HSPA8: variants seen among roughly 807,000 people sequenced by gnomAD.
HSPA8 encodes the protein heat shock cognate 71 kDa protein.
HSPA8 carries 2 observed loss-of-function variants against 52.8 expected under a neutral mutation model. That is an observed-to-expected ratio of 0.04 (90% CI 0.02 to 0.12). The LOEUF (loss-of-function observed/expected upper bound fraction) is 0.12, where lower values mean the gene tolerates loss of function less well. HSPA8 is among the 10% of genes least tolerant of loss of function. The probability of loss-of-function intolerance (pLI) is 1.00; values close to 1 mark genes in which losing one functional copy is unlikely to be tolerated. For missense variants in HSPA8, 349 were observed against 800.5 expected (o/e 0.44, Z 6.81); for synonymous variants, 436 against 274.0 (o/e 1.59, Z -5.84).
intron 7 of HSPA8, 26 bp from the exon 8 acceptor site, chr11:123,058,510 A>G (rs766639063): frequency 6.2e-6 from 10 of 1,606,462 alleles, no homozygotes; most frequent in Non-Finnish European, 7.7e-6. Flanking sequence ...ACTCTAAGTA[A>G]AAGCCTTAAA....
intron 5 of HSPA8, 76 bp from the exon 6 acceptor site, chr11:123,059,337 G>A (rs890561575): frequency 3.4e-5 from 47 of 1,401,472 alleles, no homozygotes; most frequent in Non-Finnish European, 3.9e-5. Context: ...ACTATCACTC[G>A]CTCAGACATC....
intron 8 of HSPA8, 149 bp downstream of exon 8, chr11:123,058,103 T>C (rs1865364444): frequency 1.4e-6 from 1 of 710,072 alleles, no homozygotes; most frequent in Non-Finnish European, 2.4e-6. Context: ...GGAAGGTAGT[T>C]GCCAACACCT....
chr11:123,060,318 A>G (rs1018824975), intron 3 of HSPA8, 50 bp from the exon 4 acceptor site: 6 of 1,548,026 alleles, frequency 3.9e-6, no homozygotes, highest in Admixed American at 3.4e-5. Flanking sequence ...ACTTACATAT[A>G]TGCAAACTCC....
chr11:123,059,705 G>A lies in HSPA8; in HGVS notation c.888C>T (p.Ser296=), dbSNP rs865819276. Residue 296 remains serine, a synonymous_variant, in exon 5 of 9, where the codon TCC becomes TCT. Transcript: ENST00000534624. ...SLYEGIDFYT[S]ITRARFEELN... ...GTTCTTCAAATCGGGCACGGGTAAT[G>A]GAGGTATAGAAGTCGATTCCTTCAT... The A allele has an allele frequency of 1.2e-6, 2 of 1,613,932 alleles. No individual in the cohort carries two copies. Among genetic ancestry groups the A allele is most frequent in the Non-Finnish European group, 8.5e-7 (1 of 1,179,890 alleles).
chr11:123,061,727 G>T (rs1047652202), intron 1 of HSPA8: 8 of 226,138 alleles, frequency 3.5e-5, no homozygotes, highest in Middle Eastern at 3.7e-3. Flanking sequence ...GGTGGGACTG[G>T]ACTAAGCAGG....
At chr11:123,060,550 TAAC>T (rs1473492450) in intron 3 of HSPA8, 40 bp downstream of exon 3, 2 of 1,461,334 alleles carry the variant, frequency 1.4e-6, no homozygotes, top group South Asian at 1.1e-5. Context: ...ATCGGGCTTT[TAAC>T]TACTCCGGAA....
chr11:123,059,421 G>A lies in HSPA8; in HGVS notation c.1120+52C>T, dbSNP rs554981599. ...ATGTTTAACAATCACTCATCACAGC[G>A]AGTCACCTTGGGCCTGCCTGCCTTT... On this transcript the variant is annotated intron_variant, in intron 5 of 8. Transcript: ENST00000534624. 4.6e-5 allele frequency: 68 copies of A among 1,492,968 alleles called. No homozygotes were observed. In the East Asian group the frequency reaches 1.0e-3, roughly 22 times the overall value. 92.5% of individuals were successfully genotyped at this position (1,492,968 alleles called of 1,614,324 possible).
In HSPA8 at chr11:123,060,046, C is replaced by G. The variant is rs757663783; in HGVS notation, c.565-18G>C. 1 of 1,614,068 alleles carries G rather than the reference C, an allele frequency of 6.2e-7. No individual in the cohort carries two copies. The highest frequency in any genetic ancestry group is 1.1e-5 in the South Asian group (1 of 91,086). On this transcript the variant is annotated intron_variant, in intron 4 of 8. Transcript: ENST00000534624. ...GCTCCAACCTGCCGTTAAAAACAAT[C>G]TCATTTAAATTTACGATGGATCAAA...
At chr11:123,058,557 A>AGAC in intron 7 of HSPA8, 73 bp from the exon 8 acceptor site, 1 of 1,570,596 alleles carries the variant, frequency 6.4e-7, no homozygotes, top group Non-Finnish European at 8.8e-7. Context: ...TCTCTTAGCT[A>AGAC]GACGCCCTTA....
intron 3 of HSPA8, 27 bp downstream of exon 3, chr11:123,060,566 C>T (rs201523743): frequency 3.3e-6 from 5 of 1,537,978 alleles, no homozygotes; most frequent in East Asian, 2.2e-5. Context: ...CTCCGGAATG[C>T]ACCCCATACT....
At position 123,057,649 on chromosome 11, in the gene HSPA8, A is replaced by G. The variant is rs529283663; in HGVS notation, c.*85T>C. On this transcript the variant is annotated 3_prime_UTR_variant, in exon 9 of 9. Transcript: ENST00000534624. ...ACTTACTATAGCAGCTTAACTTTTT[A>G]AAACTGCCACAGAATTTGCTACGAA... is the stretch of plus-strand genomic sequence containing the variant. The G allele has an allele frequency of 3.6e-5, 41 of 1,139,762 alleles. No homozygotes were observed. In the African/African-American group the frequency reaches 6.3e-4, roughly 17 times the overall value. 70.6% of individuals were successfully genotyped at this position (1,139,762 alleles called of 1,614,324 possible). A position where few individuals can be genotyped will look rare whatever the true frequency, so the allele number is the denominator to read the frequency against.
chr11:123,059,406 A>G, intron 5 of HSPA8, 67 bp downstream of exon 5: 1 of 1,414,252 alleles, frequency 7.1e-7, no homozygotes, highest in South Asian at 1.3e-5. Flanking sequence ...ATGTTTAACA[A>G]TCACTCATCA....
Position 123,057,578 on chromosome 11 carries a change from T to C in HSPA8, c.*156A>G, listed in dbSNP as rs1359976655. The C allele has an allele frequency of 1.2e-5, 7 of 569,268 alleles. No homozygotes were observed. The highest frequency in any genetic ancestry group is 1.2e-4 in the African/African-American group (6 of 51,930). The allele number at this position is 569,268 out of a possible 1,614,324, so 35.3% of individuals were successfully genotyped here. The stretch of plus-strand genomic sequence containing the variant: ...TTTATAAAGTGCAATGTTATTTCCT[T>C]CCCCTGTGCATATGTTCCATATTCA... On this transcript the variant is annotated 3_prime_UTR_variant, in exon 9 of 9. Transcript: ENST00000534624.
chr11:123,061,097 G>A (rs756843449), intron 2 of HSPA8, 23 bp downstream of exon 2: 20 of 1,594,988 alleles, frequency 1.3e-5, no homozygotes, highest in Non-Finnish European at 1.5e-5. Flanking sequence ...TATTTGTTCT[G>A]TCATTTAAAA....
chr11:123,060,528 C>T (rs1376236822), intron 3 of HSPA8, 65 bp downstream of exon 3: 6 of 1,223,272 alleles, frequency 4.9e-6, no homozygotes, highest in Non-Finnish European at 7.2e-6. Context: ...GGTGCCAGTG[C>T]CCCCGGGAGT....
intron 3 of HSPA8, 25 bp from the exon 4 acceptor site, chr11:123,060,293 A>T: frequency 6.2e-7 from 1 of 1,607,012 alleles, no homozygotes; most frequent in Non-Finnish European, 8.5e-7. Flanking sequence ...AAGACCACAG[A>T]TTGGTAACTA....
chr11:123,059,390 C>T (rs1865423341), intron 5 of HSPA8, 83 bp downstream of exon 5: 1 of 1,406,696 alleles, frequency 7.1e-7, no homozygotes, highest in Admixed American at 1.9e-5. Flanking sequence ...TTGGTGGAAA[C>T]TACGAATGTT....
Position 123,059,699 on chromosome 11 carries a change from G to A in HSPA8, c.894C>T (p.Thr298=), listed in dbSNP as rs200035932. The change falls in exon 5 of 9, where the codon ACC becomes ACT. Residue 298 remains threonine (T), a synonymous_variant. Transcript: ENST00000534624. ...CATTCAGTTCTTCAAATCGGGCACG[G>A]GTAATGGAGGTATAGAAGTCGATTC... ...YEGIDFYTSI[T]RARFEELNAD... 1.5e-5 allele frequency: 25 copies of A among 1,613,794 alleles called. No individual in the cohort carries two copies. Among genetic ancestry groups the A allele is most frequent in the Non-Finnish European group, 1.7e-5 (20 of 1,179,904 alleles).
At chr11:123,061,435 G>T in intron 1 of HSPA8, 106 bp from the exon 2 acceptor site, 1 of 835,944 alleles carries the variant, frequency 1.2e-6, no homozygotes, top group Non-Finnish European at 1.9e-6. Context: ...CTGCCAAGAG[G>T]TAATAGTGCC....
Sources: gnomAD v4.1 joint callset for allele counts on GRCh38, gnomAD v4.1.1 for gene constraint, MANE v1.5 for transcripts, NCBI Gene and HGNC (gene_info 2026-07-23, HGNC 2026-07-21) for gene names.